The following PRKG1 variants were observed in gnomAD, a reference collection of about 807,000 sequenced individuals.
PRKG1 encodes cGMP-dependent protein kinase 1.
In PRKG1, 35 loss-of-function variants were observed where a neutral mutation model predicts 88.1. The ratio of observed to expected loss-of-function variants is 0.40; its 90% confidence interval spans 0.30 to 0.53. The LOEUF (loss-of-function observed/expected upper bound fraction) is 0.53, where lower values mean the gene tolerates loss of function less well. Among genes scored for constraint, PRKG1 ranks in the 20% least tolerant of loss-of-function variants. The probability of loss-of-function intolerance (pLI) is 0.59; values close to 1 mark genes in which losing one functional copy is unlikely to be tolerated. For synonymous variants in PRKG1, 303 were observed against 292.5 expected (o/e 1.04, Z -0.37); for missense variants, 540 against 839.8 (o/e 0.64, Z 4.41).
At chr10:51,974,713 A>G (rs1169142854) in intron 5 of PRKG1, among the ~76,000 whole-genome samples, 1 of 152,124 alleles carries the variant, frequency 6.6e-6, no homozygotes, top group Non-Finnish European at 1.5e-5. Flanking sequence ...AATTTTTCTG[A>G]CTTCCGCATT....
At chr10:51,539,290 A>C (rs530573010) in intron 3 of PRKG1, among the ~76,000 whole-genome samples, 13 of 152,310 alleles carry the variant, frequency 8.5e-5, no homozygotes, top group African/African-American at 2.9e-4. Flanking sequence ...CCCAGAGTAA[A>C]TGTAACTGGA....
intron 7 of PRKG1, among the ~76,000 whole-genome samples, chr10:52,098,403 C>CA (rs905578452): frequency 1.3e-5 from 2 of 152,220 alleles, no homozygotes; most frequent in African/African-American, 4.8e-5. Flanking sequence ...TGATTTATAG[C>CA]AATAACCTGA....
At position 52,026,942 on chromosome 10, in the gene PRKG1, A is replaced by G. The variant is rs563959201; in HGVS notation, c.763-27542A>G. Among the ~76,000 whole-genome samples the G allele has an allele frequency of 2.6e-5, 4 of 152,250 alleles. No homozygotes were observed. The South Asian group carries it at 8.3e-4, about 32-fold the overall frequency. ...ATGAGCCGAGATCGCTCGCCACTGC[A>G]CTCCAGCCTGGGCGACAGAGTAAGA... On this transcript the variant is annotated intron_variant, in intron 5 of 17. Coordinates refer to ENST00000373980, the MANE Select transcript of PRKG1 (RefSeq NM_006258.4).
chr10:51,928,807 A>C (rs1418125633), intron 5 of PRKG1, among the ~76,000 whole-genome samples: 1 of 152,170 alleles, frequency 6.6e-6, no homozygotes, highest in African/African-American at 2.4e-5. Context: ...AATGGCTCTA[A>C]TATATAAAAA....
intron 3 of PRKG1, among the ~76,000 whole-genome samples, chr10:51,715,994 A>G (rs1200942221): frequency 1.3e-5 from 2 of 152,046 alleles, no homozygotes; most frequent in African/African-American, 4.8e-5. Flanking sequence ...CCCAAATCTC[A>G]CTTCCCCCAA....
At chr10:51,324,172 C>T (rs544498383) in intron 2 of PRKG1, among the ~76,000 whole-genome samples, 1 of 152,148 alleles carries the variant, frequency 6.6e-6, no homozygotes, top group South Asian at 2.1e-4. Flanking sequence ...CTATAAAATA[C>T]TATACTATTG....
chr10:51,929,079 A>G (rs1179549030), intron 5 of PRKG1, among the ~76,000 whole-genome samples: 1 of 152,172 alleles, frequency 6.6e-6, no homozygotes, highest in Non-Finnish European at 1.5e-5. Context: ...TAAATCAAGA[A>G]AGCTGAATAT....
intron 5 of PRKG1, among the ~76,000 whole-genome samples, chr10:51,963,650 G>A (rs988709161): frequency 4.6e-5 from 7 of 152,024 alleles, no homozygotes; most frequent in African/African-American, 1.4e-4. Flanking sequence ...GTTTCACCAT[G>A]TTGGCCAGGC....
chr10:51,507,863 G>A (rs750826719), intron 3 of PRKG1, among the ~76,000 whole-genome samples: 5 of 152,110 alleles, frequency 3.3e-5, no homozygotes, highest in Non-Finnish European at 7.4e-5. Flanking sequence ...ATAGCTTACA[G>A]TTTATTCTGC....
At chr10:52,018,157 G>A (rs1464454072) in intron 5 of PRKG1, among the ~76,000 whole-genome samples, 1 of 152,092 alleles carries the variant, frequency 6.6e-6, no homozygotes, top group African/African-American at 2.4e-5. Context: ...ACTAAATCAT[G>A]AGTTCCAGAA....
At chr10:52,107,542 C>T (rs1406918384) in intron 7 of PRKG1, among the ~76,000 whole-genome samples, 1 of 152,138 alleles carries the variant, frequency 6.6e-6, no homozygotes, top group African/African-American at 2.4e-5. Context: ...ATAATATGCA[C>T]AACATTATTA....
chr10:52,150,149 A>AAATAATAATAATAATAATAATAATAAT (rs67354776), intron 8 of PRKG1, among the ~76,000 whole-genome samples: 1 of 82,400 alleles, frequency 1.2e-5, no homozygotes, highest in African/African-American at 3.4e-5. Flanking sequence ...CTCCATCTCA[A>AAATAATAATAATAATAATAATAATAAT]AATAATAATA....
intron 4 of PRKG1, among the ~76,000 whole-genome samples, chr10:51,889,098 T>C (rs973919264): frequency 6.7e-6 from 1 of 150,158 alleles, no homozygotes; most frequent in Non-Finnish European, 1.5e-5. Context: ...CTAGGGTACA[T>C]GTGCACAATG....
intron 1 of PRKG1, among the ~76,000 whole-genome samples, chr10:51,050,524 G>T (rs1198013878): frequency 6.6e-6 from 1 of 151,982 alleles, no homozygotes; most frequent in African/African-American, 2.4e-5. Context: ...ATATTCCATT[G>T]TATGTATACA....
At chr10:51,855,979 T>TTCCA (rs1173509832) in intron 4 of PRKG1, among the ~76,000 whole-genome samples, 1 of 152,218 alleles carries the variant, frequency 6.6e-6, no homozygotes, top group Non-Finnish European at 1.5e-5. Context: ...GGATGGTTCC[T>TTCCA]TCCAGAGACT....
intron 2 of PRKG1, among the ~76,000 whole-genome samples, chr10:51,181,266 G>T (rs906033687): frequency 9.2e-6 from 1 of 108,360 alleles, no homozygotes; most frequent in African/African-American, 3.7e-5. Flanking sequence ...ACGGAGTCTC[G>T]CTCTGTCGCC....
At chr10:51,017,715 T>C in intron 1 of PRKG1, among the ~76,000 whole-genome samples, 1 of 152,140 alleles carries the variant, frequency 6.6e-6, no homozygotes, top group East Asian at 1.9e-4. Flanking sequence ...GGTGTCATTT[T>C]AAATCATCAT....
chr10:52,238,884 C>A (rs368023685), intron 9 of PRKG1, among the ~76,000 whole-genome samples: 8 of 146,124 alleles, frequency 5.5e-5, no homozygotes, highest in African/African-American at 1.3e-4. Flanking sequence ...ATGTTTATTG[C>A]GGCACTATTC....
intron 3 of PRKG1, among the ~76,000 whole-genome samples, chr10:51,665,193 A>T (rs540814421): frequency 9.8e-5 from 15 of 152,330 alleles, no homozygotes; most frequent in African/African-American, 3.6e-4. Flanking sequence ...GAGTTAAGCA[A>T]ATAAAAATCT....
Sources: gnomAD v4.1 joint callset for allele counts (sites outside exome capture counted in the v4.1 genomes callset) on GRCh38, gnomAD v4.1.1 for gene constraint, MANE v1.5 for transcripts, NCBI Gene and HGNC (gene_info 2026-07-23, HGNC 2026-07-21) for gene names.